NXPE3: variants seen among roughly 807,000 people sequenced by gnomAD.
NXPE3 encodes the protein NXPE family member 3.
A neutral mutation model predicts 46.1 loss-of-function variants in NXPE3; 26 were observed. The observed-to-expected ratio is 0.56, with a 90% CI of 0.41 to 0.78. NXPE3 has a LOEUF of 0.78. NXPE3 is among the 30% of genes least tolerant of loss of function. The probability of loss-of-function intolerance (pLI) is 0.00; values close to 1 mark genes in which losing one functional copy is unlikely to be tolerated. For missense variants in NXPE3, 620 were observed against 686.0 expected (o/e 0.90, Z 1.07); for synonymous variants, 272 against 257.9 (o/e 1.05, Z -0.52).
chr3:101,786,692 C>T (rs1018923526), intron 4 of NXPE3, among the ~76,000 whole-genome samples: 1 of 152,112 alleles, frequency 6.6e-6, no homozygotes, highest in Non-Finnish European at 1.5e-5. Context: ...TACTACCAAT[C>T]CTACACCGAT....
chr3:101,816,379 A>G (rs889774384), intron 6 of NXPE3, among the ~76,000 whole-genome samples: 25 of 151,940 alleles, frequency 1.6e-4, no homozygotes, highest in African/African-American at 6.0e-4. Flanking sequence ...CCCATCATCT[A>G]GGTTTTAAGC....
Position 101,827,880 on chromosome 3 carries a change from C to T in NXPE3, c.*5926C>T, listed in dbSNP as rs2107385877. On this transcript the variant is annotated 3_prime_UTR_variant, in exon 8 of 8. Transcript: ENST00000273347. The stretch of plus-strand genomic sequence containing the variant: ...CAACCCGGTTCGAAAGAGAGGATGA[C>T]CGTATTCTGCATTTTAGAAAACAGG... 1 of 152,630 alleles carries T rather than the reference C, an allele frequency of 6.6e-6. No individual in the cohort carries two copies. Among genetic ancestry groups the T allele is most frequent in the African/African-American group, 2.4e-5 (1 of 41,572 alleles). 9.5% of individuals were successfully genotyped at this position (152,630 alleles called of 1,614,324 possible).
intron 7 of NXPE3, among the ~76,000 whole-genome samples, chr3:101,820,419 C>T (rs1942192775): frequency 6.6e-6 from 1 of 152,198 alleles, no homozygotes; most frequent in African/African-American, 2.4e-5. Context: ...CAATTATACA[C>T]TGTTGGTGGA....
intron 5 of NXPE3, among the ~76,000 whole-genome samples, chr3:101,806,149 C>T (rs560524238): frequency 6.6e-6 from 1 of 152,078 alleles, no homozygotes; most frequent in Non-Finnish European, 1.5e-5. Flanking sequence ...TAGGACAGTA[C>T]CTGGCTTAAG....
chr3:101,781,332 T>C (rs908411762), intron 1 of NXPE3, among the ~76,000 whole-genome samples: 1 of 152,216 alleles, frequency 6.6e-6, no homozygotes, highest in Non-Finnish European at 1.5e-5. Flanking sequence ...CCCCAGAGGA[T>C]AGGGTTGCTG....
chr3:101,801,578 C>G lies in NXPE3; in HGVS notation c.437C>G (p.Ala146Gly), dbSNP rs376143782. 2 of 1,614,048 alleles carry G rather than the reference C, an allele frequency of 1.2e-6. No individual in the cohort carries two copies. Among genetic ancestry groups the G allele is most frequent in the Admixed American group, 1.7e-5 (1 of 60,000 alleles). Residue 146 changes from alanine (A) to glycine (G), a missense_variant, in exon 5 of 8, where the codon GCC (alanine) becomes GGC (glycine). Ala to Gly is a moderately conservative substitution (Grantham distance 60, BLOSUM62 0). Around this residue, in one of 3 missense-constraint regions of NXPE3, gnomAD observed 511 missense variants for 528.6 expected, o/e 0.97. Coordinates refer to ENST00000273347, the MANE Select transcript of NXPE3 (RefSeq NM_145037.4). ...PKKYGGDYLQARIHSLKLQAG... is the reference protein window; with the variant it reads ...PKKYGGDYLQGRIHSLKLQAG... ...AAGTATGGTGGAGACTACCTGCAGG[C>G]CAGAATTCACTCCCTCAAGCTGCAG...
intron 4 of NXPE3, among the ~76,000 whole-genome samples, chr3:101,798,143 A>T (rs1021422031): frequency 6.0e-5 from 9 of 149,866 alleles, no homozygotes; most frequent in Admixed American, 2.0e-4. Context: ...GATATCTCAT[A>T]GTGGTTTTGA....
chr3:101,801,820 G>A lies in NXPE3; in HGVS notation c.679G>A (p.Val227Met), dbSNP rs754510979. The change falls in exon 5 of 8, where the codon GTG becomes ATG. Residue 227 changes from valine (V) to methionine (M), a missense_variant. This residue lies in a region of NXPE3 where 511 missense variants were observed against 528.6 expected (regional missense o/e 0.97). Transcript: ENST00000273347. Reference sequence around the variant, plus strand: ...AATTTCTGAAACTACTGAGTGCAACGTGTGTCTTCCTGGGAATCTGCCCCT... The same window carrying A: ...AATTTCTGAAACTACTGAGTGCAACATGTGTCTTCCTGGGAATCTGCCCCT... ...GRISETTECN[V>M]CLPGNLPLCN... 9 of 1,614,062 alleles carry A rather than the reference G, an allele frequency of 5.6e-6. No individual in the cohort carries two copies. Among genetic ancestry groups the A allele is most frequent in the Non-Finnish European group, 7.6e-6 (9 of 1,180,040 alleles).
At chr3:101,811,593 G>T (rs1372469849) in intron 6 of NXPE3, among the ~76,000 whole-genome samples, 1 of 152,106 alleles carries the variant, frequency 6.6e-6, no homozygotes, top group East Asian at 1.9e-4. Flanking sequence ...GAAGTCTCAA[G>T]AGTTGGAAAT....
At position 101,827,968 on chromosome 3, in the gene NXPE3, G is replaced by T. The variant is rs1328699760; in HGVS notation, c.*6014G>T. 2.6e-5 allele frequency: 4 copies of T among 152,202 alleles called. No homozygotes were observed. Among genetic ancestry groups the T allele is most frequent in the African/African-American group, 9.7e-5 (4 of 41,422 alleles). 9.4% of individuals were successfully genotyped at this position (152,202 alleles called of 1,614,324 possible). A position where few individuals can be genotyped will look rare whatever the true frequency, so the allele number is the denominator to read the frequency against. ...AGAACTGAAAGCGAACGCTATAAAG[G>T]GCGCCAGTGAGAGGGGCTGGCCTCC... On this transcript the variant is annotated 3_prime_UTR_variant, in exon 8 of 8. Coordinates refer to ENST00000273347, the MANE Select transcript of NXPE3 (RefSeq NM_145037.4).
intron 6 of NXPE3, among the ~76,000 whole-genome samples, chr3:101,809,418 AT>A (rs981771340): frequency 3.9e-5 from 6 of 152,012 alleles, no homozygotes; most frequent in Admixed American, 2.0e-4. Flanking sequence ...AGGGCTCATA[AT>A]TTTTTTTCCT....
chr3:101,791,799 A>G (rs890334841), intron 4 of NXPE3, among the ~76,000 whole-genome samples: 3 of 148,552 alleles, frequency 2.0e-5, no homozygotes, highest in African/African-American at 7.4e-5. Context: ...TCCTCTAGGT[A>G]TACACTCTGT....
intron 5 of NXPE3, among the ~76,000 whole-genome samples, chr3:101,806,180 G>C (rs1220217657): frequency 6.6e-6 from 1 of 152,112 alleles, no homozygotes; most frequent in Non-Finnish European, 1.5e-5. Flanking sequence ...ATTATTTGTT[G>C]AATAAACAGT....
rs1160567928 is a variant in NXPE3 at position 101,785,682 on chromosome 3, A to G, written c.86A>G (p.Gln29Arg). Residue 29 changes from glutamine to arginine, a missense_variant, in exon 4 of 8, where the codon CAG becomes CGG. Gln to Arg is a conservative substitution (Grantham distance 43, BLOSUM62 1). This residue lies in a region of NXPE3 where 511 missense variants were observed against 528.6 expected (regional missense o/e 0.97). Coordinates refer to ENST00000273347, the MANE Select transcript of NXPE3 (RefSeq NM_145037.4). ...GTGGTGCTGGTCATCAATGTTACTCAGGTAGAGGTGAGTACCCAGTATAAT... is the reference window on the plus strand; with the variant it reads ...GTGGTGCTGGTCATCAATGTTACTCGGGTAGAGGTGAGTACCCAGTATAAT... ...MVVVLVINVT[Q>R]VEYLDHETVS... 6.2e-7 allele frequency: 1 copy of G among 1,613,436 alleles called. No individual in the cohort carries two copies. Among genetic ancestry groups the G allele is most frequent in the South Asian group, 1.1e-5 (1 of 91,078 alleles).
At chr3:101,820,065 T>A (rs1169539083) in intron 7 of NXPE3, among the ~76,000 whole-genome samples, 1 of 152,216 alleles carries the variant, frequency 6.6e-6, no homozygotes, top group African/African-American at 2.4e-5. Flanking sequence ...TCCATGTTGT[T>A]ACAAATGACG....
chr3:101,810,516 G>A (rs1941659739), intron 6 of NXPE3, among the ~76,000 whole-genome samples: 1 of 152,174 alleles, frequency 6.6e-6, no homozygotes, highest in African/African-American at 2.4e-5. Context: ...ATTTGATTAT[G>A]TTATATGACA....
intron 4 of NXPE3, among the ~76,000 whole-genome samples, chr3:101,799,924 C>A (rs888669503): frequency 6.6e-6 from 1 of 151,926 alleles, no homozygotes; most frequent in Non-Finnish European, 1.5e-5. Context: ...TCTTTCATTT[C>A]TGATATTAAT....
intron 4 of NXPE3, among the ~76,000 whole-genome samples, chr3:101,787,504 G>A (rs1940262237): frequency 6.6e-6 from 1 of 152,092 alleles, no homozygotes; most frequent in Non-Finnish European, 1.5e-5. Flanking sequence ...ATGGCGTTAT[G>A]CCATTTGACC....
intron 7 of NXPE3, among the ~76,000 whole-genome samples, chr3:101,818,831 T>G (rs1159513713): frequency 1.4e-5 from 2 of 140,242 alleles, no homozygotes; most frequent in Non-Finnish European, 3.0e-5. Context: ...AGTGGTGTGA[T>G]CTCTACTCAC....
Sources: allele counts gnomAD v4.1 joint callset (sites outside exome capture counted in the v4.1 genomes callset), GRCh38; gene constraint gnomAD v4.1.1; regional missense constraint gnomAD v4.1.1; transcripts MANE v1.5; gene names NCBI Gene and HGNC (gene_info 2026-07-23, HGNC 2026-07-21).